Variants in SLC20A2 observed in about 807,000 individuals in gnomAD.
The protein encoded by SLC20A2 is solute carrier family 20 member 2.
In SLC20A2, 30 loss-of-function variants were observed where a neutral mutation model predicts 61.0. That is an observed-to-expected ratio of 0.49 (90% CI 0.37 to 0.67). The LOEUF (loss-of-function observed/expected upper bound fraction) is 0.67, where lower values mean the gene tolerates loss of function less well. Ranked by LOEUF, SLC20A2 falls within the 30% of genes least tolerant of loss-of-function variation. SLC20A2 has a pLI of 0.00. For synonymous variants in SLC20A2, 351 were observed against 353.3 expected, an observed-to-expected ratio of 0.99 and a Z score of 0.07; for missense variants, 626 against 866.4, an observed-to-expected ratio of 0.72 and a Z score of 3.48.
chr8:42,457,498 T>C (rs1806304729), intron 5 of SLC20A2, among the ~76,000 whole-genome samples: 1 of 151,932 alleles, frequency 6.6e-6, no homozygotes, highest in African/African-American at 2.4e-5. Context: ...TTTTTTTTTT[T>C]GAGACAAAGT....
chr8:42,496,214 T>A (rs73632729), intron 1 of SLC20A2, among the ~76,000 whole-genome samples: 3,202 of 152,308 alleles, frequency 0.021, 103 homozygotes, highest in African/African-American at 0.066. Context: ...GACACTTTTT[T>A]AACAGCACTG....
At position 42,430,184 on chromosome 8, in the gene SLC20A2, G is replaced by T. The variant is rs2130964976; in HGVS notation, c.1589C>A (p.Ala530Glu). ...IYKQGGVTQEAATPVWLLFYG... is the reference protein window; with the variant it reads ...IYKQGGVTQEEATPVWLLFYG... Reference sequence around the variant, plus strand: ...AAACAGCAGCCAGACGGGTGTAGCTGCTTCTTGCGTTACCCCGCCTTGTTT... The same window carrying T: ...AAACAGCAGCCAGACGGGTGTAGCTTCTTCTTGCGTTACCCCGCCTTGTTT... Residue 530 changes from alanine to glutamate, a missense_variant, in exon 9 of 11, where the codon GCA becomes GAA. Coordinates refer to ENST00000520262, the MANE Select transcript of SLC20A2 (RefSeq NM_001257180.2). The T allele has an allele frequency of 6.2e-7, 1 of 1,614,054 alleles. No homozygotes were observed. Among genetic ancestry groups the T allele is most frequent in the Non-Finnish European group, 8.5e-7 (1 of 1,179,972 alleles).
chr8:42,528,461 CAA>C (rs202206274), intron 1 of SLC20A2, among the ~76,000 whole-genome samples: 1 of 124,766 alleles, frequency 8.0e-6, no homozygotes. Context: ...GACTCCATCT[CAA>C]AAAAAAAAAG....
chr8:42,447,739 T>C (rs188339626), intron 5 of SLC20A2, among the ~76,000 whole-genome samples: 166 of 152,318 alleles, frequency 1.1e-3, no homozygotes, highest in Admixed American at 7.1e-3. Context: ...AGGTAGTTAA[T>C]ACTATATATA....
chr8:42,443,306 T>A (rs1171360629), intron 6 of SLC20A2, among the ~76,000 whole-genome samples: 8 of 110,740 alleles, frequency 7.2e-5, no homozygotes, highest in African/African-American at 2.7e-4. Flanking sequence ...TATATATATA[T>A]ATAATAAAAT....
chr8:42,444,519 G>A lies in SLC20A2; in HGVS notation c.730+127C>T, dbSNP rs924902580. ...AGCACTCAGGAACGGAGAGACAGAG[G>A]ATGGGGTATGTTCTGGAGTCACCCA... is the stretch of plus-strand genomic sequence containing the variant. On this transcript the variant is annotated intron_variant, in intron 6 of 10. Coordinates refer to ENST00000520262, the MANE Select transcript of SLC20A2 (RefSeq NM_001257180.2). 5 of 709,744 alleles carry A rather than the reference G, an allele frequency of 7.0e-6. No homozygotes were observed. The East Asian group carries it at 7.9e-5, about 11-fold the overall frequency. 44.0% of individuals were successfully genotyped at this position (709,744 alleles called of 1,614,324 possible).
intron 2 of SLC20A2, among the ~76,000 whole-genome samples, chr8:42,467,963 C>T (rs965451663): frequency 3.3e-5 from 5 of 151,394 alleles, no homozygotes; most frequent in South Asian, 2.1e-4. Context: ...GTTGCCCAGG[C>T]GCAATCTCGG....
chr8:42,482,302 A>T (rs930418847), intron 1 of SLC20A2, among the ~76,000 whole-genome samples: 3 of 152,166 alleles, frequency 2.0e-5, no homozygotes, highest in Non-Finnish European at 4.4e-5. Flanking sequence ...AAAAGTTATT[A>T]TTAGGAAATA....
intron 1 of SLC20A2, among the ~76,000 whole-genome samples, chr8:42,516,255 C>G (rs2974297): frequency 0.065 from 9,963 of 152,226 alleles, 436 homozygotes; most frequent in Middle Eastern, 0.12. Context: ...CTTTGAAATA[C>G]CTGTACTGAC....
Position 42,422,512 on chromosome 8 carries a change from G to C in SLC20A2, c.1795-4545C>G, listed in dbSNP as rs570920865. ...CAAATGGGAGAGGTTTTTTAGTTTT[G>C]TTTTTCTTCCTACATTGTGGGAAAG... On this transcript the variant is annotated intron_variant, in intron 10 of 10. Transcript: ENST00000520262. 2.0e-4 allele frequency among the ~76,000 whole-genome samples: 31 copies of C among 151,932 alleles called. No homozygotes were observed. The South Asian group carries it at 4.4e-3, about 21-fold the overall frequency.
At chr8:42,421,171 C>T (rs539039701) in intron 10 of SLC20A2, among the ~76,000 whole-genome samples, 1 of 152,062 alleles carries the variant, frequency 6.6e-6, no homozygotes, top group Non-Finnish European at 1.5e-5. Context: ...CCATATATAT[C>T]ACTCACATTT....
chr8:42,465,746 C>G (rs1807107221), intron 3 of SLC20A2, 31 bp downstream of exon 3: 1 of 1,548,954 alleles, frequency 6.5e-7, no homozygotes, highest in Admixed American at 2.2e-5. Flanking sequence ...GTAAACTTTC[C>G]TTCTTATGGG....
chr8:42,537,269 A>T (rs1385625993), intron 1 of SLC20A2, among the ~76,000 whole-genome samples: 2 of 150,118 alleles, frequency 1.3e-5, no homozygotes, highest in African/African-American at 4.9e-5. Flanking sequence ...CTGTAGTCCC[A>T]GCTACTCTGG....
At chr8:42,420,361 A>G (rs1385763701) in intron 10 of SLC20A2, among the ~76,000 whole-genome samples, 1 of 152,198 alleles carries the variant, frequency 6.6e-6, no homozygotes, top group Admixed American at 6.5e-5. Flanking sequence ...TTCTAACTTC[A>G]TGCAATAAAA....
In SLC20A2 at chr8:42,437,675, A is replaced by G; in HGVS notation, c.935-98T>C. 1 of 1,028,576 alleles carries G rather than the reference A, an allele frequency of 9.7e-7. No individual in the cohort carries two copies. Among genetic ancestry groups the G allele is most frequent in the South Asian group, 1.9e-5 (1 of 52,300 alleles). The allele number at this position is 1,028,576 out of a possible 1,614,324, so 63.7% of individuals were successfully genotyped here. ...TGCTCTGTCCTCAGGGTGGAGTACAATGGCGCAATCTCGGCTCACTGCAAC... is the reference window on the plus strand; with the variant it reads ...TGCTCTGTCCTCAGGGTGGAGTACAGTGGCGCAATCTCGGCTCACTGCAAC... On this transcript the variant is annotated intron_variant, in intron 7 of 10. Coordinates refer to ENST00000520262, the MANE Select transcript of SLC20A2 (RefSeq NM_001257180.2). This position sits in a 1 kb window ranked among gnomAD's most constrained non-coding sequence, Gnocchi z 6.4.
At chr8:42,452,823 TGGG>T (rs1396593619) in intron 5 of SLC20A2, among the ~76,000 whole-genome samples, 1 of 151,986 alleles carries the variant, frequency 6.6e-6, no homozygotes, top group Non-Finnish European at 1.5e-5. Flanking sequence ...CTGGTTAAGT[TGGG>T]AATTCCTTTG....
intron 10 of SLC20A2, among the ~76,000 whole-genome samples, chr8:42,421,395 GTTT>G (rs201195486): frequency 2.0e-5 from 3 of 152,124 alleles, no homozygotes; most frequent in African/African-American, 7.2e-5. Flanking sequence ...TATGGTGGCA[GTTT>G]TTTTCCCTCC....
At position 42,424,320 on chromosome 8, in the gene SLC20A2, T is replaced by G. The variant is rs552482081; in HGVS notation, c.1794+4438A>C. On this transcript the variant is annotated intron_variant, in intron 10 of 10. Transcript: ENST00000520262. ...CTGTGTCTTCAATTAAGGCTTTTTT[T>G]GGGGGGTGCGGGGGGGGATAGTTTT... Among the ~76,000 whole-genome samples the G allele has an allele frequency of 8.9e-3, 790 of 88,632 alleles. 4 individuals carry two copies. Among genetic ancestry groups the G allele is most frequent in the African/African-American group, 0.023 (686 of 30,402 alleles). 58.1% of individuals were successfully genotyped at this position (88,632 alleles called of 152,430 possible).
chr8:42,450,377 G>A (rs1208707584), intron 5 of SLC20A2, among the ~76,000 whole-genome samples: 2 of 150,044 alleles, frequency 1.3e-5, no homozygotes, highest in Admixed American at 6.6e-5. Flanking sequence ...ATAGGCACAT[G>A]CCACTATGCC....
Sources: gnomAD v4.1 joint callset for allele counts (sites outside exome capture counted in the v4.1 genomes callset) on GRCh38, gnomAD v4.1.1 for gene constraint, Gnocchi (gnomAD v3.1) non-coding constraint, MANE v1.5 for transcripts, NCBI Gene and HGNC (gene_info 2026-07-23, HGNC 2026-07-21) for gene names.